The following SPATA7 variants were observed in gnomAD, a reference collection of about 807,000 sequenced individuals.
SPATA7 encodes spermatogenesis associated 7.
SPATA7 carries 43 observed loss-of-function variants against 51.8 expected under a neutral mutation model. The observed-to-expected ratio is 0.83, with a 90% confidence interval of 0.65 to 1.07. SPATA7 has a LOEUF of 1.07. Ranked by LOEUF, SPATA7 falls within the 50% of genes least tolerant of loss-of-function variation. SPATA7 has a pLI of 0.00. For synonymous variants in SPATA7, 230 were observed against 252.8 expected, an observed-to-expected ratio of 0.91 and a Z score of 0.86; for missense variants, 683 against 701.3, an observed-to-expected ratio of 0.97 and a Z score of 0.30.
chr14:88,391,415 A>C lies in SPATA7; in HGVS notation c.54A>C (p.Pro18=). ...CCTCTGTCCTTCCCAGATATGGTCC[A>C]CCGTGCCTATTTAAAGGACACTTGA... The part of the protein sequence containing the change: ...RATSVLPRYG[P]PCLFKGHLST... Residue 18 remains proline, a synonymous_variant, in exon 2 of 12, where the codon CCA becomes CCC. Transcript: ENST00000393545. 6.2e-7 allele frequency: 1 copy of C among 1,613,706 alleles called. No individual in the cohort carries two copies. The highest frequency in any genetic ancestry group is 1.1e-5 in the South Asian group (1 of 91,032).
chr14:88,434,940 T>A (rs2077045268), intron 10 of SPATA7, among the ~76,000 whole-genome samples: 1 of 152,206 alleles, frequency 6.6e-6, no homozygotes, highest in African/African-American at 2.4e-5. Flanking sequence ...TAGCAAATGA[T>A]AACAAAGGAA....
chr14:88,438,127 A>G lies in SPATA7; in HGVS notation c.1505A>G (p.Glu502Gly). The G allele has an allele frequency of 6.2e-7, 1 of 1,614,014 alleles. No individual in the cohort carries two copies. The highest frequency in any genetic ancestry group is 1.3e-5 in the African/African-American group (1 of 75,060). Residue 502 changes from glutamate (E) to glycine (G), a missense_variant, in exon 12 of 12, where the codon GAA becomes GGA. Glu to Gly is a moderately conservative substitution (Grantham distance 98). Transcript: ENST00000393545. ...FMPIYKSKHSEGVIIQQVNDE... is the reference protein window; with the variant it reads ...FMPIYKSKHSGGVIIQQVNDE... ...CCTATTTATAAATCAAAGCATTCAG[A>G]AGGGGTTATAATTCAACAGGTGAAT...
intron 4 of SPATA7, chr14:88,415,179 G>T (rs1439067999): frequency 3.4e-6 from 1 of 292,964 alleles, no homozygotes; most frequent in African/African-American, 2.2e-5. Flanking sequence ...CATTATTAAT[G>T]TGTGGCTGTC....
chr14:88,467,980 G>A (rs2077390990), intron 4 of SPATA7: 5 of 964,660 alleles, frequency 5.2e-6, no homozygotes, highest in African/African-American at 3.3e-5. Flanking sequence ...TGCTTCGCAC[G>A]TTTCCTTCAG....
chr14:88,446,306 A>G (rs1483064013), intron 3 of SPATA7, among the ~76,000 whole-genome samples: 1 of 152,006 alleles, frequency 6.6e-6, no homozygotes, highest in Non-Finnish European at 1.5e-5. Flanking sequence ...GGTAGTTTGT[A>G]TTTCTGTGGG....
At chr14:88,439,124 A>G (rs1402558674), downstream of SPATA7, among the ~76,000 whole-genome samples, 11 of 152,210 alleles carry the variant, frequency 7.2e-5, no homozygotes, top group Admixed American at 6.5e-4. Context: ...TTACCCAGAC[A>G]TAAGCGGTTT....
chr14:88,391,458 A>G lies in SPATA7; in HGVS notation c.94+3A>G. 6.2e-7 allele frequency: 1 copy of G among 1,613,014 alleles called. No homozygotes were observed. Among genetic ancestry groups the G allele is most frequent in the South Asian group, 1.1e-5 (1 of 90,990 alleles). Reference sequence around the variant, plus strand: ...ACACTTGAGCACCAAAAGTAATGGTAAGTGAGGTGCTTAAAACGGCAGCTT... The same window carrying G: ...ACACTTGAGCACCAAAAGTAATGGTGAGTGAGGTGCTTAAAACGGCAGCTT... On this transcript the variant is annotated splice_donor_region_variant and intron_variant, in intron 2 of 11. Transcript: ENST00000393545.
chr14:88,469,775 A>G lies in SPATA7; in HGVS notation c.255-72A>G, dbSNP rs368987843. 80 of 1,606,328 alleles carry G rather than the reference A, an allele frequency of 5.0e-5. No individual in the cohort carries two copies. In the African/African-American group the frequency reaches 8.7e-4, roughly 17 times the overall value. On this transcript the variant is annotated intron_variant, in intron 4 of 4. Transcript: ENST00000556406. The surrounding 1 kb of genome is among the most constrained non-coding windows in gnomAD (Gnocchi z 4.3). ...TGGTTAAATGACTCGAGATCCGGCA[A>G]TGGATGCCTTTCTCACATAGACGGC...
chr14:88,433,443 C>T (rs2076992614), intron 10 of SPATA7, among the ~76,000 whole-genome samples: 1 of 152,068 alleles, frequency 6.6e-6, no homozygotes, highest in African/African-American at 2.4e-5. Flanking sequence ...AGCTTTTATT[C>T]ATTTTAATAT....
chr14:88,427,867 C>T, intron 7 of SPATA7, 171 bp downstream of exon 7: 1 of 532,490 alleles, frequency 1.9e-6, no homozygotes, highest in Non-Finnish European at 3.4e-6. Context: ...GGTTATAGCT[C>T]TCTCTGAATG....
chr14:88,433,320 GA>G, intron 10 of SPATA7, 108 bp downstream of exon 10: 1 of 754,518 alleles, frequency 1.3e-6, no homozygotes, highest in South Asian at 1.7e-5. Context: ...ATTAGGAAAT[GA>G]AAAAATATAT....
chr14:88,452,236 A>C (rs1258821367), intron 3 of SPATA7, among the ~76,000 whole-genome samples: 11 of 152,178 alleles, frequency 7.2e-5, no homozygotes, highest in Admixed American at 7.2e-4. Context: ...CTGGGCTGGT[A>C]CTGGGGAGTG....
downstream of SPATA7, among the ~76,000 whole-genome samples, chr14:88,455,744 T>C (rs968286721): frequency 1.3e-5 from 2 of 152,226 alleles, no homozygotes; most frequent in Non-Finnish European, 2.9e-5. Flanking sequence ...TTTTTTATTA[T>C]ACTTTAAGTT....
At chr14:88,407,468 T>C (rs2076229044) in intron 4 of SPATA7, among the ~76,000 whole-genome samples, 1 of 152,222 alleles carries the variant, frequency 6.6e-6, no homozygotes, top group South Asian at 2.1e-4. Flanking sequence ...GGTTGGTTTT[T>C]TCTTGTAAAT....
chr14:88,442,168 A>G (rs577721535), downstream of SPATA7, among the ~76,000 whole-genome samples: 104 of 112,092 alleles, frequency 9.3e-4, no homozygotes, highest in Middle Eastern at 0.019. Flanking sequence ...TTTGGTCTAT[A>G]TGCCTGTTTG....
chr14:88,429,591 C>A, intron 8 of SPATA7, 128 bp downstream of exon 8: 4 of 546,928 alleles, frequency 7.3e-6, no homozygotes, highest in Non-Finnish European at 1.3e-5. Flanking sequence ...TTATGTAATT[C>A]AATAACAGTT....
intron 4 of SPATA7, among the ~76,000 whole-genome samples, chr14:88,412,736 T>C (rs1269409489): frequency 6.6e-6 from 1 of 152,240 alleles, no homozygotes; most frequent in African/African-American, 2.4e-5. Context: ...AAATATATTC[T>C]CCCATTCTGT....
intron 4 of SPATA7, chr14:88,466,090 G>A (rs2077358219): frequency 6.6e-6 from 1 of 152,068 alleles, no homozygotes; most frequent in South Asian, 2.1e-4. Context: ...GGGAGGGGAA[G>A]AAGCACTTTT....
chr14:88,459,693 T>C (rs549674800), downstream of SPATA7, among the ~76,000 whole-genome samples: 2 of 152,352 alleles, frequency 1.3e-5, no homozygotes, highest in African/African-American at 4.8e-5. Flanking sequence ...GTATTTTAAT[T>C]GAAGCATTTA....
Sources: gnomAD v4.1 joint callset for allele counts (sites outside exome capture counted in the v4.1 genomes callset) on GRCh38, gnomAD v4.1.1 for gene constraint, Gnocchi (gnomAD v3.1) non-coding constraint, MANE v1.5 for transcripts, NCBI Gene and HGNC (gene_info 2026-07-23, HGNC 2026-07-21) for gene names.